GRID2: variants seen among roughly 807,000 people sequenced by gnomAD.
GRID2 encodes glutamate ionotropic receptor delta type subunit 2.
Under a neutral mutation model 114.8 loss-of-function variants are expected in GRID2, and 33 were observed. The ratio of observed to expected loss-of-function variants is 0.29; its 90% CI spans 0.22 to 0.38. GRID2 has a LOEUF of 0.38. GRID2 is among the 10% of genes least tolerant of loss of function. The pLI is 1.00. For synonymous variants in GRID2, 505 were observed against 449.9 expected, an observed-to-expected ratio of 1.12 and a Z score of -1.55; for missense variants, 1,184 against 1,257.7, an observed-to-expected ratio of 0.94 and a Z score of 0.89.
intron 1 of GRID2, among the ~76,000 whole-genome samples, chr4:92,571,750 C>A (rs1240664032): frequency 6.6e-6 from 1 of 152,136 alleles, no homozygotes; most frequent in Non-Finnish European, 1.5e-5. Flanking sequence ...CACTCAACTA[C>A]ATGGAAACTG....
chr4:93,671,564 T>C (rs11725825), intron 14 of GRID2, among the ~76,000 whole-genome samples: 8,046 of 152,214 alleles, frequency 0.053, 331 homozygotes, highest in Non-Finnish European at 0.081. Context: ...GTCTATGAAA[T>C]TATGGTGATA....
At chr4:92,862,923 A>G (rs1744626466) in intron 2 of GRID2, among the ~76,000 whole-genome samples, 1 of 152,084 alleles carries the variant, frequency 6.6e-6, no homozygotes, top group Non-Finnish European at 1.5e-5. Context: ...CTTGAGACGG[A>G]TTGATAAATG....
At chr4:93,352,794 A>AGTT (rs373034781) in intron 8 of GRID2, among the ~76,000 whole-genome samples, 22 of 152,090 alleles carry the variant, frequency 1.4e-4, no homozygotes, top group Non-Finnish European at 2.8e-4. Context: ...TTGTAGTTGT[A>AGTT]GTTGTTGTTG....
intron 8 of GRID2, among the ~76,000 whole-genome samples, chr4:93,255,660 A>G (rs764455348): frequency 1.2e-4 from 18 of 152,048 alleles, no homozygotes; most frequent in Admixed American, 2.6e-4. Flanking sequence ...AGGGGTTATT[A>G]TAAAGCCAAC....
chr4:93,324,759 T>C (rs769480026), intron 8 of GRID2, among the ~76,000 whole-genome samples: 4 of 152,130 alleles, frequency 2.6e-5, no homozygotes, highest in Non-Finnish European at 5.9e-5. Flanking sequence ...CCTGGTTTAG[T>C]CTTGGGAGGG....
chr4:92,318,517 T>C (rs1190436214), intron 1 of GRID2, among the ~76,000 whole-genome samples: 3 of 136,094 alleles, frequency 2.2e-5, no homozygotes, highest in Non-Finnish European at 3.2e-5. Context: ...CTTTTTTTTT[T>C]TTTTTTTTTT....
chr4:93,098,430 G>GAT (rs1731413376), intron 3 of GRID2, among the ~76,000 whole-genome samples: 1 of 151,960 alleles, frequency 6.6e-6, no homozygotes, highest in Non-Finnish European at 1.5e-5. Flanking sequence ...AATTAAGACA[G>GAT]ATATATCTGA....
chr4:93,667,703 T>C (rs1724069270), intron 14 of GRID2, among the ~76,000 whole-genome samples: 1 of 152,140 alleles, frequency 6.6e-6, no homozygotes, highest in Non-Finnish European at 1.5e-5. Context: ...TACTGATTAA[T>C]ATTTTAGCCA....
At chr4:93,503,771 C>T (rs928736926) in intron 12 of GRID2, among the ~76,000 whole-genome samples, 4 of 151,994 alleles carry the variant, frequency 2.6e-5, no homozygotes, top group African/African-American at 7.2e-5. Flanking sequence ...TCCCTTCAGG[C>T]ATAAACTTTT....
At chr4:93,747,132 A>T (rs531038785) in intron 14 of GRID2, among the ~76,000 whole-genome samples, 1 of 152,232 alleles carries the variant, frequency 6.6e-6, no homozygotes, top group African/African-American at 2.4e-5. Flanking sequence ...TTCCACCGAA[A>T]CACAGTTGGA....
intron 2 of GRID2, among the ~76,000 whole-genome samples, chr4:92,988,574 G>A (rs1754650302): frequency 6.6e-6 from 1 of 152,056 alleles, no homozygotes; most frequent in South Asian, 2.1e-4. Context: ...ATGAATCAGA[G>A]ATCATTGGGG....
intron 2 of GRID2, among the ~76,000 whole-genome samples, chr4:92,986,343 G>T (rs556275141): frequency 4.0e-4 from 61 of 152,158 alleles, no homozygotes; most frequent in Middle Eastern, 3.4e-3. Flanking sequence ...TCTATTTTTT[G>T]ATTAAATCAG....
chr4:93,625,844 G>A (rs1419369086), intron 13 of GRID2, among the ~76,000 whole-genome samples: 1 of 152,188 alleles, frequency 6.6e-6, no homozygotes, highest in Non-Finnish European at 1.5e-5. Flanking sequence ...GAACCCGGGA[G>A]GTGGAGCTTG....
At chr4:92,909,394 C>T (rs533878398) in intron 2 of GRID2, among the ~76,000 whole-genome samples, 2 of 151,736 alleles carry the variant, frequency 1.3e-5, no homozygotes, top group Non-Finnish European at 2.9e-5. Context: ...AAACACCTTC[C>T]CTCAATTTGA....
At chr4:92,682,131 T>C (rs535903817) in intron 2 of GRID2, among the ~76,000 whole-genome samples, 1 of 151,996 alleles carries the variant, frequency 6.6e-6, no homozygotes, top group South Asian at 2.1e-4. Flanking sequence ...GAATAGAGAA[T>C]GAATATAGAT....
intron 2 of GRID2, among the ~76,000 whole-genome samples, chr4:92,620,207 A>G (rs914826935): frequency 1.3e-5 from 2 of 151,752 alleles, no homozygotes; most frequent in Non-Finnish European, 2.9e-5. Context: ...GGTAATATCA[A>G]AGAGTGGAAT....
chr4:92,484,877 C>T (rs1039824364), intron 1 of GRID2, among the ~76,000 whole-genome samples: 2 of 151,832 alleles, frequency 1.3e-5, no homozygotes, highest in African/African-American at 4.8e-5. Flanking sequence ...ATTATAATTT[C>T]TCATATTTAA....
intron 13 of GRID2, among the ~76,000 whole-genome samples, chr4:93,568,288 C>T (rs1050945424): frequency 6.6e-6 from 1 of 152,118 alleles, no homozygotes; most frequent in Non-Finnish European, 1.5e-5. Context: ...GGAAGGCACA[C>T]AATTAAAATA....
intron 14 of GRID2, among the ~76,000 whole-genome samples, chr4:93,705,937 G>A (rs1249689097): frequency 6.6e-6 from 1 of 152,030 alleles, no homozygotes; most frequent in African/African-American, 2.4e-5. Context: ...TGAAGAGACT[G>A]TCCTTTCCTC....
Sources: gnomAD v4.1 joint callset for allele counts (sites outside exome capture counted in the v4.1 genomes callset) on GRCh38, gnomAD v4.1.1 for gene constraint, MANE v1.5 for transcripts, NCBI Gene and HGNC (gene_info 2026-07-23, HGNC 2026-07-21) for gene names.